Variants in MEF2C observed in about 807,000 individuals in gnomAD.
MEF2C encodes the protein myocyte-specific enhancer factor 2C.
In MEF2C, 6 loss-of-function variants were observed where a neutral mutation model predicts 50.5. The ratio of observed to expected loss-of-function variants is 0.12; its 90% CI spans 0.07 to 0.23. MEF2C has a LOEUF of 0.23. Ranked by LOEUF, MEF2C falls within the 10% of genes least tolerant of loss-of-function variation. MEF2C has a pLI of 1.00. For missense variants in MEF2C, 276 were observed against 605.0 expected, an observed-to-expected ratio of 0.46 and a Z score of 5.70; for synonymous variants, 183 against 228.0, an observed-to-expected ratio of 0.80 and a Z score of 1.78.
At position 88,752,000 on chromosome 5, in the gene MEF2C, A is replaced by G. The variant is rs1057349061; in HGVS notation, c.446T>C (p.Val149Ala). Residue 149 changes from valine (V) to alanine (A), a missense_variant, in exon 5 of 11, where the codon GTG becomes GCG. Transcript: ENST00000504921. Reference protein sequence around the residue: ...PNFEMPVSIPVSSHNSLVYSN... With the variant: ...PNFEMPVSIPASSHNSLVYSN... Reference sequence around the variant, plus strand: ...GTACACCAAACTGTTGTGGCTGGACACTGGGATGGAGACTGGCATCTCGAA... The same window carrying G: ...GTACACCAAACTGTTGTGGCTGGACGCTGGGATGGAGACTGGCATCTCGAA... 1 of 1,613,102 alleles carries G rather than the reference A, an allele frequency of 6.2e-7. No homozygotes were observed. The highest frequency in any genetic ancestry group is 1.3e-5 in the African/African-American group (1 of 75,050).
intron 1 of MEF2C, among the ~76,000 whole-genome samples, chr5:88,866,734 G>A (rs1827520215): frequency 6.6e-6 from 1 of 152,054 alleles, no homozygotes; most frequent in Admixed American, 6.6e-5. Flanking sequence ...TCTAACTTTG[G>A]TTTTAAAGTT....
intron 1 of MEF2C, among the ~76,000 whole-genome samples, chr5:88,895,555 T>C (rs1835033020): frequency 6.6e-6 from 1 of 152,162 alleles, no homozygotes; most frequent in South Asian, 2.1e-4. Context: ...TCCTATTAGA[T>C]CCCAGTGAAC....
rs1189691717 is a variant in MEF2C, at chr5:88,719,073, T to C, written c.*3531A>G. The C allele has an allele frequency of 1.3e-5, 2 of 152,228 alleles. No homozygotes were observed. The highest frequency in any genetic ancestry group is 4.8e-5 in the African/African-American group (2 of 41,464). 9.4% of individuals were successfully genotyped at this position (152,228 alleles called of 1,614,324 possible). A position where few individuals can be genotyped will look rare whatever the true frequency, so the allele number is the denominator to read the frequency against. On this transcript the variant is annotated 3_prime_UTR_variant, in exon 11 of 11. Coordinates refer to ENST00000504921, the MANE Select transcript of MEF2C (RefSeq NM_002397.5). ...AAAGAAAGAACTACAAAGCGTTTAC[T>C]CTCTGGAGAAACAAACAACAAAATA...
intron 1 of MEF2C, among the ~76,000 whole-genome samples, chr5:88,877,449 C>T (rs767601094): frequency 2.8e-4 from 42 of 151,886 alleles, no homozygotes; most frequent in Non-Finnish European, 5.3e-4. Context: ...TGATTTTTTG[C>T]AGTAAACATT....
At chr5:88,799,139 A>G (rs1178476421) in intron 3 of MEF2C, among the ~76,000 whole-genome samples, 1 of 152,164 alleles carries the variant, frequency 6.6e-6, no homozygotes, top group Non-Finnish European at 1.5e-5. Context: ...CCACTTGAGG[A>G]AGCAGTCTGT....
chr5:88,819,046 C>T (rs1229102062), intron 2 of MEF2C, among the ~76,000 whole-genome samples: 1 of 151,862 alleles, frequency 6.6e-6, no homozygotes, highest in African/African-American at 2.4e-5. Context: ...TTCATCCTCA[C>T]TCTAGTGATG....
chr5:88,734,570 T>TTTTTTG (rs1763199090), intron 6 of MEF2C: 5 of 448,622 alleles, frequency 1.1e-5, no homozygotes, highest in African/African-American at 7.1e-5. Context: ...AGTTTGTTTT[T>TTTTTTG]TTTTTTTTTT....
intron 3 of MEF2C, chr5:88,776,032 A>G (rs374165691): frequency 6.5e-6 from 1 of 154,888 alleles, no homozygotes; most frequent in South Asian, 2.1e-4. Context: ...AACTTAAGGA[A>G]ATTTCTATTC....
At chr5:88,749,549 G>A (rs1023923254) in intron 5 of MEF2C, 28 of 954,694 alleles carry the variant, frequency 2.9e-5, no homozygotes, top group African/African-American at 1.2e-4. Flanking sequence ...AAATTTGATC[G>A]TTTCATGAAT....
At chr5:88,799,282 G>A (rs1216796053) in intron 3 of MEF2C, among the ~76,000 whole-genome samples, 1 of 152,194 alleles carries the variant, frequency 6.6e-6, no homozygotes, top group East Asian at 1.9e-4. Flanking sequence ...CCAGGGAGAT[G>A]GGAGTTTTAT....
At chr5:88,742,514 A>T in intron 6 of MEF2C, 5 of 980,036 alleles carry the variant, frequency 5.1e-6, no homozygotes, top group Non-Finnish European at 6.1e-6. Flanking sequence ...ATATAGAAGG[A>T]TAGAGAATAA....
chr5:88,833,003 T>C (rs1384337723), intron 1 of MEF2C, among the ~76,000 whole-genome samples: 2 of 152,248 alleles, frequency 1.3e-5, no homozygotes, highest in South Asian at 4.1e-4. Context: ...TGATGGGACA[T>C]GTAATTGTTC....
At chr5:88,747,757 T>C (rs1770594829) in intron 6 of MEF2C, among the ~76,000 whole-genome samples, 1 of 152,148 alleles carries the variant, frequency 6.6e-6, no homozygotes, top group Admixed American at 6.5e-5. Flanking sequence ...ATCTAAACCA[T>C]TTTTCTTATA....
chr5:88,822,021 T>A (rs1808636150), intron 2 of MEF2C, among the ~76,000 whole-genome samples: 1 of 151,948 alleles, frequency 6.6e-6, no homozygotes, highest in Non-Finnish European at 1.5e-5. Flanking sequence ...AAACATCACA[T>A]GTATTCCATA....
chr5:88,784,490 AATCT>A (rs1343023681), intron 3 of MEF2C, among the ~76,000 whole-genome samples: 1 of 152,338 alleles, frequency 6.6e-6, no homozygotes, highest in East Asian at 1.9e-4. Flanking sequence ...AATGTTACAG[AATCT>A]ATTATATGTA....
At chr5:88,804,571 T>A in intron 3 of MEF2C, 27 bp downstream of exon 3, 2 of 1,611,204 alleles carry the variant, frequency 1.2e-6, no homozygotes, top group East Asian at 2.2e-5. Flanking sequence ...TGCGGAGGCT[T>A]GGGGCTCACC....
chr5:88,886,069 C>T (rs778549365), upstream of MEF2C, among the ~76,000 whole-genome samples: 1 of 152,128 alleles, frequency 6.6e-6, no homozygotes. Context: ...GAATGTATCA[C>T]AGTTGGCCTT....
intron 3 of MEF2C, among the ~76,000 whole-genome samples, chr5:88,764,823 A>G (rs2152712257): frequency 6.6e-6 from 1 of 151,870 alleles, no homozygotes; most frequent in Non-Finnish European, 1.5e-5. Context: ...AAAAAAAAAA[A>G]AAAAAAAGAA....
chr5:88,845,506 T>C (rs111287090), intron 1 of MEF2C, among the ~76,000 whole-genome samples: 1 of 150,860 alleles, frequency 6.6e-6, no homozygotes, highest in Non-Finnish European at 1.5e-5. Context: ...ACAACAGCAG[T>C]AGAAGTTTTG....
Sources: gnomAD v4.1 joint callset for allele counts (sites outside exome capture counted in the v4.1 genomes callset) on GRCh38, gnomAD v4.1.1 for gene constraint, MANE v1.5 for transcripts, NCBI Gene and HGNC (gene_info 2026-07-23, HGNC 2026-07-21) for gene names.